The following CADM1 variants were observed in gnomAD, a reference collection of about 807,000 sequenced individuals.
CADM1 encodes TSLC-1.
CADM1 carries 15 observed loss-of-function variants against 53.1 expected under a neutral mutation model. The ratio of observed to expected loss-of-function variants is 0.28; its 90% CI spans 0.19 to 0.44. The LOEUF (loss-of-function observed/expected upper bound fraction) is 0.44. Among genes scored for constraint, CADM1 ranks in the 20% least tolerant of loss-of-function variants. The pLI is 1.00. For missense variants in CADM1, 434 were observed against 611.3 expected, an observed-to-expected ratio of 0.71 and a Z score of 3.06; for synonymous variants, 281 against 243.0, an observed-to-expected ratio of 1.16 and a Z score of -1.45.
chr11:115,339,761 C>G (rs1372328681), intron 1 of CADM1, among the ~76,000 whole-genome samples: 1 of 152,176 alleles, frequency 6.6e-6, no homozygotes, highest in Admixed American at 6.5e-5. Flanking sequence ...CAGCAAGTCT[C>G]TTCACCACCA....
In CADM1 at chr11:115,174,220, T is replaced by C. The variant is rs1480256778; in HGVS notation, c.*2254A>G. On this transcript the variant is annotated 3_prime_UTR_variant, in exon 12 of 12. Coordinates refer to ENST00000331581, the MANE Select transcript of CADM1 (RefSeq NM_001301043.2). ...CTGTACACTTTTCAAAACAGAAAGA[T>C]GGGAGGTCCCAAAAATGAGATGCCA... The C allele has an allele frequency of 1.3e-5, 13 of 985,066 alleles. No homozygotes were observed. The highest frequency in any genetic ancestry group is 1.8e-5 in the African/African-American group (1 of 57,124). The allele number at this position is 985,066 out of a possible 1,614,324, so 61.0% of individuals were successfully genotyped here.
At position 115,504,398 on chromosome 11, in the gene CADM1, G is replaced by C. The variant is rs949567687; in HGVS notation, c.-4C>G. On this transcript the variant is annotated 5_prime_UTR_variant, in exon 1 of 12. Transcript: ENST00000331581. ...TCGGCAGCACTACACTCGCCATGTCGGGCACCTGCCTCAGACTGGCGGCGT... is the reference window on the plus strand; with the variant it reads ...TCGGCAGCACTACACTCGCCATGTCCGGCACCTGCCTCAGACTGGCGGCGT... 41 of 1,545,072 alleles carry C rather than the reference G, an allele frequency of 2.7e-5. No individual in the cohort carries two copies. Among genetic ancestry groups the C allele is most frequent in the Admixed American group, 5.9e-5 (3 of 50,902 alleles).
chr11:115,273,326 C>T (rs7934107), intron 1 of CADM1, among the ~76,000 whole-genome samples: 15,480 of 151,974 alleles, frequency 0.1, 914 homozygotes, highest in African/African-American at 0.13. Context: ...ATTTTTTTTC[C>T]ATCATATTAA....
chr11:115,488,326 A>G (rs1949421624), intron 1 of CADM1, among the ~76,000 whole-genome samples: 1 of 152,216 alleles, frequency 6.6e-6, no homozygotes, highest in African/African-American at 2.4e-5. Context: ...GTGACTATGA[A>G]GGGAACACTT....
chr11:115,356,437 T>TA (rs1285087980), intron 1 of CADM1, among the ~76,000 whole-genome samples: 1 of 152,022 alleles, frequency 6.6e-6, no homozygotes, highest in Non-Finnish European at 1.5e-5. Flanking sequence ...AGATGTCACT[T>TA]ACGAACATTT....
intron 1 of CADM1, among the ~76,000 whole-genome samples, chr11:115,451,559 G>A (rs1948572779): frequency 6.6e-6 from 1 of 152,152 alleles, no homozygotes; most frequent in African/African-American, 2.4e-5. Context: ...AAAACATTAT[G>A]ACATTATTAA....
chr11:115,207,658 T>C (rs1200600119), intron 8 of CADM1, among the ~76,000 whole-genome samples: 1 of 151,896 alleles, frequency 6.6e-6, no homozygotes, highest in Non-Finnish European at 1.5e-5. Context: ...AAAAGAGAAA[T>C]GTGGTTGTTT....
chr11:115,460,152 C>T (rs1279324474), intron 1 of CADM1, among the ~76,000 whole-genome samples: 1 of 152,014 alleles, frequency 6.6e-6, no homozygotes, highest in East Asian at 1.9e-4. Context: ...TTTAGGCTAT[C>T]GTAAGCTTCT....
At chr11:115,302,451 T>C (rs10891825) in intron 1 of CADM1, among the ~76,000 whole-genome samples, 66,515 of 151,818 alleles carry the variant, frequency 0.44, 15,131 homozygotes, top group East Asian at 0.75. Flanking sequence ...ATGGGAGTTT[T>C]CCAGATTTTT....
intron 9 of CADM1, among the ~76,000 whole-genome samples, chr11:115,194,311 T>A (rs1335323979): frequency 6.6e-6 from 1 of 152,148 alleles, no homozygotes; most frequent in East Asian, 1.9e-4. Context: ...GAATATAAAG[T>A]ATAATAAGAA....
chr11:115,223,930 G>C (rs1231820443), intron 5 of CADM1, among the ~76,000 whole-genome samples: 1 of 147,666 alleles, frequency 6.8e-6, no homozygotes, highest in Non-Finnish European at 1.5e-5. Context: ...AAATAAAAGG[G>C]AGAGTGGGAG....
intron 3 of CADM1, among the ~76,000 whole-genome samples, chr11:115,233,913 C>A (rs1349681646): frequency 1.3e-5 from 2 of 152,172 alleles, no homozygotes; most frequent in African/African-American, 4.8e-5. Context: ...CCCGGGAAAT[C>A]CCTAGGGAAT....
intron 1 of CADM1, among the ~76,000 whole-genome samples, chr11:115,321,982 G>A (rs535439061): frequency 1.3e-5 from 2 of 152,198 alleles, no homozygotes; most frequent in East Asian, 1.9e-4. Context: ...ACATACAGTC[G>A]CTAAAGTACA....
chr11:115,410,296 TG>T (rs556156733), intron 1 of CADM1, among the ~76,000 whole-genome samples: 1 of 152,250 alleles, frequency 6.6e-6, no homozygotes, highest in Non-Finnish European at 1.5e-5. Context: ...GACAATTATG[TG>T]GGTAAAGGAC....
intron 8 of CADM1, among the ~76,000 whole-genome samples, chr11:115,208,939 C>T (rs542505547): frequency 2.0e-5 from 3 of 152,268 alleles, no homozygotes; most frequent in South Asian, 4.2e-4. Flanking sequence ...AAGATAAAGC[C>T]GCAGAGTTAG....
chr11:115,303,458 A>G (rs541622133), intron 1 of CADM1, among the ~76,000 whole-genome samples: 1 of 152,070 alleles, frequency 6.6e-6, no homozygotes, highest in South Asian at 2.1e-4. Context: ...ATGCAAGTCT[A>G]TTTTTCTTCC....
intron 11 of CADM1, among the ~76,000 whole-genome samples, chr11:115,177,517 G>C (rs912613995): frequency 6.6e-6 from 1 of 152,076 alleles, no homozygotes; most frequent in Non-Finnish European, 1.5e-5. Context: ...TATATTTTCA[G>C]GTTTTCAAAG....
chr11:115,416,396 T>C (rs969092704), intron 1 of CADM1, among the ~76,000 whole-genome samples: 1 of 152,184 alleles, frequency 6.6e-6, no homozygotes, highest in Admixed American at 6.5e-5. Context: ...CTGTTCAGAT[T>C]GTAAACATGG....
intron 1 of CADM1, among the ~76,000 whole-genome samples, chr11:115,362,603 T>C (rs964947463): frequency 1.3e-5 from 2 of 152,202 alleles, no homozygotes; most frequent in Admixed American, 6.5e-5. Flanking sequence ...AACAGATTAT[T>C]AGAGAGGTTT....
Sources: gnomAD v4.1 joint callset for allele counts (sites outside exome capture counted in the v4.1 genomes callset) on GRCh38, gnomAD v4.1.1 for gene constraint, MANE v1.5 for transcripts, NCBI Gene and HGNC (gene_info 2026-07-23, HGNC 2026-07-21) for gene names.